The following ADAMTS2 variants were observed in gnomAD, a reference collection of about 807,000 sequenced individuals.
ADAMTS2 encodes the protein A disintegrin and metalloproteinase with thrombospondin motifs 2.
Under a neutral mutation model 123.0 loss-of-function variants are expected in ADAMTS2, and 50 were observed. The observed-to-expected ratio is 0.41, with a 90% confidence interval of 0.32 to 0.51. ADAMTS2 has a LOEUF of 0.51. Among genes scored for constraint, ADAMTS2 ranks in the 20% least tolerant of loss-of-function variants. ADAMTS2 has a pLI of 0.35. For missense variants in ADAMTS2, 1,494 were observed against 1,705.2 expected, an observed-to-expected ratio of 0.88 and a Z score of 2.18; for synonymous variants, 678 against 695.4, an observed-to-expected ratio of 0.98 and a Z score of 0.39.
rs1243516724 is a variant in ADAMTS2 at position 179,158,969 on chromosome 5, AT to A, written c.976-91del. 1.0e-5 allele frequency: 15 copies of A among 1,496,200 alleles called. No individual in the cohort carries two copies. The African/African-American group carries it at 1.9e-4, about 19-fold the overall frequency. The allele number at this position is 1,496,200 out of a possible 1,614,324, so 92.7% of individuals were successfully genotyped here. On this transcript the variant is annotated intron_variant, in intron 5 of 21. Coordinates refer to ENST00000251582, the MANE Select transcript of ADAMTS2 (RefSeq NM_014244.5). The surrounding 1 kb of genome is among the most constrained non-coding windows in gnomAD (Gnocchi z 5.0). Reference sequence around the variant, plus strand: ...GCAGGCTGTAGTGTTGACAGACCCCATCCACTGGGAATCTGTTCCAGGTGGT... The same window carrying A: ...GCAGGCTGTAGTGTTGACAGACCCCACCACTGGGAATCTGTTCCAGGTGGT...
chr5:179,121,731 G>T lies in ADAMTS2; in HGVS notation c.3108C>A (p.Ser1036=), dbSNP rs1375637893. The T allele has an allele frequency of 6.3e-7, 1 of 1,585,906 alleles. No homozygotes were observed. The highest frequency in any genetic ancestry group is 1.4e-5 in the African/African-American group (1 of 73,958). Residue 1036 remains serine (S), a synonymous_variant, in exon 21 of 22, where the codon TCC becomes TCA. Coordinates refer to ENST00000251582, the MANE Select transcript of ADAMTS2 (RefSeq NM_014244.5). ...GCCACTGAACTACGTAGCTCTTCTTGGAGGGATCTGAGATGTTTCCTAGAG... is the reference window on the plus strand; with the variant it reads ...GCCACTGAACTACGTAGCTCTTCTTTGAGGGATCTGAGATGTTTCCTAGAG... ...GPCPRNISDP[S]KKSYVVQWLS...
intron 5 of ADAMTS2, among the ~76,000 whole-genome samples, chr5:179,172,457 A>G (rs1163167842): frequency 6.6e-6 from 1 of 152,242 alleles, no homozygotes; most frequent in Non-Finnish European, 1.5e-5. Context: ...GGGGCCAAGG[A>G]GGCCCTGGCC....
At chr5:179,224,471 T>C (rs459319) in intron 3 of ADAMTS2, among the ~76,000 whole-genome samples, 129,206 of 152,222 alleles carry the variant, frequency 0.85, 55,240 homozygotes, top group East Asian at 1. Flanking sequence ...AGAAACGGTC[T>C]GCATTTCCAG....
chr5:179,133,382 C>T (rs750634081), intron 13 of ADAMTS2, among the ~76,000 whole-genome samples: 1 of 152,130 alleles, frequency 6.6e-6, no homozygotes, highest in Non-Finnish European at 1.5e-5. Context: ...ATTCTTCTGC[C>T]TCAGCCTCCC....
chr5:179,207,470 G>GAACCA, intron 4 of ADAMTS2, 43 bp downstream of exon 4: 3 of 1,323,548 alleles, frequency 2.3e-6, no homozygotes, highest in South Asian at 1.2e-5. Context: ...GCCCCTGGTT[G>GAACCA]ACCCTCCCCG....
intron 3 of ADAMTS2, 30 bp from the exon 4 acceptor site, chr5:179,207,745 C>CT (rs879078231): frequency 6.2e-7 from 1 of 1,600,226 alleles, no homozygotes; most frequent in Middle Eastern, 1.7e-4. Context: ...TCTTCAGCGG[C>CT]AGGGCAAACC....
rs749016307 is a variant in ADAMTS2 at position 179,136,068 on chromosome 5, G to T, written c.1952-26C>A. 3 of 1,612,974 alleles carry T rather than the reference G, an allele frequency of 1.9e-6. No individual in the cohort carries two copies. In the African/African-American group the frequency reaches 4.0e-5, roughly 22 times the overall value. ...CTGGAAGGGAAGCAGCTGGGGGTCT[G>T]CAAGGAGCCCTGATGGCTTCCCCAT... is the stretch of plus-strand genomic sequence containing the variant. On this transcript the variant is annotated intron_variant, in intron 12 of 21. Coordinates refer to ENST00000251582, the MANE Select transcript of ADAMTS2 (RefSeq NM_014244.5).
chr5:179,293,844 G>C (rs554959767), intron 2 of ADAMTS2, among the ~76,000 whole-genome samples: 45 of 151,248 alleles, frequency 3.0e-4, no homozygotes, highest in Non-Finnish European at 4.7e-4. Context: ...AGGTGGTCTC[G>C]AACTCCTGAC....
intron 3 of ADAMTS2, among the ~76,000 whole-genome samples, chr5:179,250,731 C>G (rs1765900644): frequency 6.6e-6 from 1 of 152,196 alleles, no homozygotes; most frequent in Non-Finnish European, 1.5e-5. Context: ...ATGCGGTAAC[C>G]AAGAAGGGGA....
At chr5:179,265,206 G>A (rs1266467659) in intron 3 of ADAMTS2, among the ~76,000 whole-genome samples, 1 of 152,192 alleles carries the variant, frequency 6.6e-6, no homozygotes, top group African/African-American at 2.4e-5. Context: ...CAGGGCCAAG[G>A]CCACCATCCT....
intron 3 of ADAMTS2, among the ~76,000 whole-genome samples, chr5:179,221,240 C>G (rs921679299): frequency 6.6e-6 from 1 of 152,178 alleles, no homozygotes; most frequent in Non-Finnish European, 1.5e-5. Flanking sequence ...CTCTCTTACG[C>G]AAATGAGGGA....
At position 179,317,201 on chromosome 5, in the gene ADAMTS2, T is replaced by G. The variant is rs1162597839; in HGVS notation, c.534+26566A>C. Among the ~76,000 whole-genome samples the G allele has an allele frequency of 6.6e-6, 1 of 152,136 alleles. No homozygotes were observed. The highest frequency in any genetic ancestry group is 1.5e-5 in the Non-Finnish European group (1 of 68,026). Reference sequence around the variant, plus strand: ...GCAGGGCCACCTCTGAGCATCCTTTTCCTCAGCACTTTGGCGTCTTTCCTC... The same window carrying G: ...GCAGGGCCACCTCTGAGCATCCTTTGCCTCAGCACTTTGGCGTCTTTCCTC... On this transcript the variant is annotated intron_variant, in intron 2 of 21. Coordinates refer to ENST00000251582, the MANE Select transcript of ADAMTS2 (RefSeq NM_014244.5). The surrounding 1 kb of genome is among the most constrained non-coding windows in gnomAD (Gnocchi z 4.9).
At position 179,299,516 on chromosome 5, in the gene ADAMTS2, A is replaced by G. The variant is rs1294147345; in HGVS notation, c.535-26452T>C. Among the ~76,000 whole-genome samples, 55 of 95,412 alleles carry G rather than the reference A, an allele frequency of 5.8e-4. No individual in the cohort carries two copies. The East Asian group carries it at 7.5e-3, about 13-fold the overall frequency. 62.6% of individuals were successfully genotyped at this position (95,412 alleles called of 152,430 possible). ...AGCACTCCAGCCTGGGCAACAGATC[A>G]AGACTCCAACTCAAACACACACACA... On this transcript the variant is annotated intron_variant, in intron 2 of 21. Coordinates refer to ENST00000251582, the MANE Select transcript of ADAMTS2 (RefSeq NM_014244.5).
At chr5:179,190,256 T>C (rs2113335038) in intron 4 of ADAMTS2, among the ~76,000 whole-genome samples, 1 of 152,276 alleles carries the variant, frequency 6.6e-6, no homozygotes, top group South Asian at 2.1e-4. Flanking sequence ...GTGATGCTTC[T>C]CAGGGCTGCT....
intron 3 of ADAMTS2, among the ~76,000 whole-genome samples, chr5:179,258,113 C>T (rs1766115116): frequency 6.6e-6 from 1 of 152,174 alleles, no homozygotes; most frequent in Admixed American, 6.5e-5. Context: ...ATCCTGGGGG[C>T]TCTGGCCTTC....
At chr5:179,204,514 C>A (rs1235304114) in intron 4 of ADAMTS2, among the ~76,000 whole-genome samples, 1 of 152,250 alleles carries the variant, frequency 6.6e-6, no homozygotes, top group African/African-American at 2.4e-5. Context: ...TCCCCAGCAC[C>A]GCGGGAAGCT....
chr5:179,124,188 G>A (rs577864236), intron 19 of ADAMTS2, among the ~76,000 whole-genome samples: 3 of 152,290 alleles, frequency 2.0e-5, no homozygotes, highest in Admixed American at 6.5e-5. Flanking sequence ...TCCTTCTAGT[G>A]GATTACTGAG....
chr5:179,172,804 C>T, intron 5 of ADAMTS2, among the ~76,000 whole-genome samples: 1 of 152,254 alleles, frequency 6.6e-6, no homozygotes, highest in South Asian at 2.1e-4. Flanking sequence ...GTGCTGAATT[C>T]AGTCAAACGG....
At chr5:179,323,888 A>G (rs1293197640) in intron 2 of ADAMTS2, among the ~76,000 whole-genome samples, 1 of 152,278 alleles carries the variant, frequency 6.6e-6, no homozygotes, top group African/African-American at 2.4e-5. Context: ...GGGTGGAAAC[A>G]ACCCAATCCA....
Sources: allele counts gnomAD v4.1 joint callset (sites outside exome capture counted in the v4.1 genomes callset), GRCh38; gene constraint gnomAD v4.1.1; non-coding constraint Gnocchi (gnomAD v3.1); transcripts MANE v1.5; gene names NCBI Gene and HGNC (gene_info 2026-07-23, HGNC 2026-07-21).